Variants in APOC1 observed in about 807,000 individuals in gnomAD.
APOC1 encodes apolipoprotein C-I.
APOC1 carries 4 observed loss-of-function variants against 6.7 expected under a neutral mutation model. The ratio of observed to expected loss-of-function variants is 0.60; its 90% CI spans 0.29 to 1.37. The LOEUF is 1.37. Ranked by LOEUF, APOC1 falls within the 40% of genes most tolerant of loss-of-function variation. APOC1 has a pLI of 0.09. For missense variants in APOC1, 122 were observed against 99.4 expected (o/e 1.23, Z -0.97); for synonymous variants, 33 against 40.6 (o/e 0.81, Z 0.72).
intron 2 of APOC1, among the ~76,000 whole-genome samples, chr19:44,915,702 C>T (rs1032370340): frequency 1.3e-5 from 2 of 151,430 alleles, no homozygotes; most frequent in African/African-American, 4.8e-5. Context: ...CAGGGTGGCT[C>T]ATGCCTGTAA....
rs759317357 is a variant in APOC1, at chr19:44,919,259, G to T, written c.*29G>T. 6.2e-7 allele frequency: 1 copy of T among 1,608,484 alleles called. No individual in the cohort carries two copies. The highest frequency in any genetic ancestry group is 1.7e-5 in the Admixed American group (1 of 59,946). On this transcript the variant is annotated 3_prime_UTR_variant, in exon 4 of 4. Transcript: ENST00000592535. ...CCTGAAGGGTGACATCCCAGGAGGG[G>T]CCTCTGAAATTTCCCACACCCCAGC...
intron 1 of APOC1, 49 bp from the exon 2 acceptor site, chr19:44,914,823 G>A: frequency 2.7e-6 from 4 of 1,486,558 alleles, no homozygotes; most frequent in Non-Finnish European, 3.7e-6. Context: ...GGGAGGTAGG[G>A]AGGGAGGAGG....
chr19:44,918,385 G>A (rs1385494215), intron 3 of APOC1, among the ~76,000 whole-genome samples: 6 of 133,954 alleles, frequency 4.5e-5, no homozygotes, highest in East Asian at 2.2e-4. Context: ...TTTTTGAGAC[G>A]GAGTCTCGCT....
At position 44,916,015 on chromosome 19, in the gene APOC1, T is replaced by C. The variant is rs371220643; in HGVS notation, c.59-175T>C. 1.1e-4 allele frequency among the ~76,000 whole-genome samples: 16 copies of C among 150,548 alleles called. No homozygotes were observed. The East Asian group carries it at 3.2e-3, about 30-fold the overall frequency. On this transcript the variant is annotated intron_variant, in intron 2 of 3. Transcript: ENST00000592535. ...AGCTGGGTGTGGTGGTGCACACCTG[T>C]AATCCCAGCTACTTGGGAGGCTGAG... is the stretch of plus-strand genomic sequence containing the variant.
chr19:44,918,986 C>T, intron 3 of APOC1, 187 bp from the exon 4 acceptor site: 3 of 668,292 alleles, frequency 4.5e-6, no homozygotes, highest in Non-Finnish European at 5.4e-6. Context: ...CTTCAACGTG[C>T]TTTGGTCCAT....
At chr19:44,919,148 C>T (rs757384674) in intron 3 of APOC1, 25 bp from the exon 4 acceptor site, 21 of 1,607,086 alleles carry the variant, frequency 1.3e-5, no homozygotes, top group African/African-American at 2.7e-5. Context: ...CACACAGTGA[C>T]CCCCTTCCTT....
chr19:44,914,909 G>A lies in APOC1; in HGVS notation c.18G>A (p.Ser6=), dbSNP rs5111. 3.1e-6 allele frequency: 5 copies of A among 1,613,716 alleles called. No individual in the cohort carries two copies. The African/African-American group carries it at 5.3e-5, about 17-fold the overall frequency. ...GCCTCGCCATGAGGCTCTTCCTGTC[G>A]CTCCCGGTCCTGGTGGTGGTTCTGT... MRLFL[S]LPVLVVVLSI... Residue 6 remains serine (S), a synonymous_variant, in exon 2 of 4, where the codon TCG becomes TCA. Transcript: ENST00000592535.
intron 2 of APOC1, among the ~76,000 whole-genome samples, chr19:44,915,383 G>A (rs1416979480): frequency 1.3e-5 from 2 of 149,926 alleles, no homozygotes; most frequent in African/African-American, 4.9e-5. Context: ...GAGTGCAGTG[G>A]CGCGATCTCG....
chr19:44,916,228 G>T lies in APOC1; in HGVS notation c.97G>T (p.Ala33Ser), dbSNP rs868060355. Reference protein sequence around the residue: ...PAQGTPDVSSALDKLKEFGNT... With the variant: ...PAQGTPDVSSSLDKLKEFGNT... ...CCAGGGGACCCCAGACGTCTCCAGT[G>T]CCTTGGATAAGCTGAAGGAGTTTGG... Residue 33 changes from alanine (A) to serine (S), a missense_variant, in exon 3 of 4, where the codon GCC (alanine) becomes TCC (serine). Coordinates refer to ENST00000592535, the MANE Select transcript of APOC1 (RefSeq NM_001645.5). The T allele has an allele frequency of 5.6e-6, 9 of 1,612,624 alleles. No homozygotes were observed. Among genetic ancestry groups the T allele is most frequent in the South Asian group, 2.2e-5 (2 of 91,032 alleles).
chr19:44,919,284 C>G lies in APOC1; in HGVS notation c.*54C>G, dbSNP rs1193596748. On this transcript the variant is annotated 3_prime_UTR_variant, in exon 4 of 4. Coordinates refer to ENST00000592535, the MANE Select transcript of APOC1 (RefSeq NM_001645.5). ...GCCTCTGAAATTTCCCACACCCCAG[C>G]GCCTGTGCTGAGGACTCCCTCCATG... The G allele has an allele frequency of 2.2e-5, 34 of 1,533,840 alleles. 1 individual carries two copies. The South Asian group carries it at 2.8e-4, about 13-fold the overall frequency.
upstream of APOC1, chr19:44,914,520 G>A (rs910256280): frequency 4.0e-6 from 1 of 249,814 alleles, no homozygotes; most frequent in Non-Finnish European, 7.9e-6. Flanking sequence ...GGGGCTTTGG[G>A]GCTAAGGGAA....
chr19:44,917,037 G>C (rs1202531256), intron 3 of APOC1, among the ~76,000 whole-genome samples: 4 of 152,002 alleles, frequency 2.6e-5, no homozygotes, highest in African/African-American at 9.7e-5. Context: ...GCCAGACCTG[G>C]GTCCCCAGGC....
At chr19:44,918,343 T>C (rs1344815356) in intron 3 of APOC1, among the ~76,000 whole-genome samples, 9 of 149,330 alleles carry the variant, frequency 6.0e-5, no homozygotes, top group African/African-American at 1.2e-4. Flanking sequence ...GTTTCTTTTT[T>C]TTTTTTTTTT....
chr19:44,914,752 G>A lies in APOC1; in HGVS notation c.-21+19G>A. The A allele has an allele frequency of 2.4e-6, 2 of 830,606 alleles. No individual in the cohort carries two copies. The highest frequency in any genetic ancestry group is 3.9e-6 in the Non-Finnish European group (2 of 516,268). The allele number at this position is 830,606 out of a possible 1,614,324, so 51.5% of individuals were successfully genotyped here. A position where few individuals can be genotyped will look rare whatever the true frequency, so the allele number is the denominator to read the frequency against. ...GATTCAGGTTGGTGCTGAGTGCCTG[G>A]GAGGGACACCCGCCTACACTCTGCA... On this transcript the variant is annotated intron_variant, in intron 1 of 3. Transcript: ENST00000592535.
At chr19:44,916,360 G>T in intron 3 of APOC1, 35 bp downstream of exon 3, 1 of 1,610,822 alleles carries the variant, frequency 6.2e-7, no homozygotes, top group Non-Finnish European at 8.5e-7. Context: ...GAGAGCTGGG[G>T]TGTGTTTTTG....
Position 44,919,320 on chromosome 19 carries a change from T to A in APOC1, c.*90T>A. The A allele has an allele frequency of 8.7e-7, 1 of 1,153,866 alleles. No individual in the cohort carries two copies. Among genetic ancestry groups the A allele is most frequent in the Non-Finnish European group, 1.3e-6 (1 of 776,450 alleles). The allele number at this position is 1,153,866 out of a possible 1,614,324, so 71.5% of individuals were successfully genotyped here. ...AGGACTCCCTCCATGTGGCCCCAGG[T>A]GCCACCAATAAAAATCCTACAGAAA... On this transcript the variant is annotated 3_prime_UTR_variant, in exon 4 of 4. Transcript: ENST00000592535.
At chr19:44,917,313 C>T (rs778256024) in intron 3 of APOC1, among the ~76,000 whole-genome samples, 5 of 151,666 alleles carry the variant, frequency 3.3e-5, no homozygotes, top group Admixed American at 6.6e-5. Context: ...CAGTGAAGAA[C>T]GTGCCGAGCA....
rs1047670169 is a variant in APOC1, at chr19:44,916,257, C to G, written c.126C>G (p.Asn42Lys). ...TGGATAAGCTGAAGGAGTTTGGAAA[C>G]ACACTGGAGGACAAGGCTCGGGAAC... ...SALDKLKEFG[N>K]TLEDKARELI... The change falls in exon 3 of 4, where the codon AAC (asparagine) becomes AAG (lysine). Residue 42 changes from asparagine (N) to lysine (K), a missense_variant. Transcript: ENST00000592535. 2.8e-5 allele frequency: 45 copies of G among 1,609,518 alleles called. No individual in the cohort carries two copies. Among genetic ancestry groups the G allele is most frequent in the Non-Finnish European group, 3.4e-5 (40 of 1,177,688 alleles).
rs919607478 is a variant in APOC1, at chr19:44,916,099, TGC to T, written c.59-90_59-89del. On this transcript the variant is annotated intron_variant, in intron 2 of 3. Transcript: ENST00000592535. ...TTGCAGTAGGCCGAGATCATGCCAC[TGC>T]ACTCCAGCTTGGGCTACAGAGCAAG... 3 of 1,382,418 alleles carry T rather than the reference TGC, an allele frequency of 2.2e-6. No individual in the cohort carries two copies. In the African/African-American group the frequency reaches 5.2e-5, roughly 24 times the overall value. The allele number at this position is 1,382,418 out of a possible 1,614,324, so 85.6% of individuals were successfully genotyped here.
Sources: allele counts gnomAD v4.1 joint callset (sites outside exome capture counted in the v4.1 genomes callset), GRCh38; gene constraint gnomAD v4.1.1; transcripts MANE v1.5; gene names NCBI Gene and HGNC (gene_info 2026-07-23, HGNC 2026-07-21).